Variants in NRXN3 observed in about 807,000 individuals in gnomAD.
The protein encoded by NRXN3 is neurexin 3.
A neutral mutation model predicts 137.6 loss-of-function variants in NRXN3; 32 were observed. The observed-to-expected ratio is 0.23, with a 90% CI of 0.18 to 0.31. The LOEUF is 0.31. Among genes scored for constraint, NRXN3 ranks in the 10% least tolerant of loss-of-function variants. The probability of loss-of-function intolerance (pLI) is 1.00; values close to 1 mark genes in which losing one functional copy is unlikely to be tolerated. For synonymous variants in NRXN3, 798 were observed against 784.5 expected, an observed-to-expected ratio of 1.02 and a Z score of -0.29; for missense variants, 1,574 against 2,062.5, an observed-to-expected ratio of 0.76 and a Z score of 4.59.
intron 4 of NRXN3, among the ~76,000 whole-genome samples, chr14:78,638,056 G>A (rs1601718090): frequency 1.3e-5 from 2 of 152,216 alleles, no homozygotes; most frequent in African/African-American, 2.4e-5. Flanking sequence ...TGTGGACGGA[G>A]GCAGCTTCCC....
intron 10 of NRXN3, among the ~76,000 whole-genome samples, chr14:78,926,082 C>T (rs928777820): frequency 6.6e-6 from 1 of 152,104 alleles, no homozygotes; most frequent in African/African-American, 2.4e-5. Context: ...AAATTGGAAC[C>T]TACCTCTTTT....
intron 4 of NRXN3, among the ~76,000 whole-genome samples, chr14:78,376,001 G>GATAC (rs1171967756): frequency 8.9e-6 from 1 of 112,436 alleles, no homozygotes; most frequent in Non-Finnish European, 1.9e-5. Flanking sequence ...CTTCCTCCTT[G>GATAC]ATACACACAC....
At chr14:78,874,303 G>C (rs2099108532) in intron 10 of NRXN3, among the ~76,000 whole-genome samples, 1 of 152,094 alleles carries the variant, frequency 6.6e-6, no homozygotes, top group South Asian at 2.1e-4. Flanking sequence ...TTGATCATAA[G>C]AACCTTGAAG....
At position 78,767,566 on chromosome 14, in the gene NRXN3, G is replaced by T. The variant is rs534264288; in HGVS notation, c.2045-36054G>T. Among the ~76,000 whole-genome samples, 27 of 152,310 alleles carry T rather than the reference G, an allele frequency of 1.8e-4. No individual in the cohort carries two copies. In the South Asian group the frequency reaches 5.4e-3, roughly 30 times the overall value. The stretch of plus-strand genomic sequence containing the variant: ...GCAGAGCGCCCTCTTGTCTGTGTGG[G>T]TTACTAATTGTTACAGTGAAATTAG... On this transcript the variant is annotated intron_variant, in intron 8 of 20. Coordinates refer to ENST00000335750, the MANE Select transcript of NRXN3 (RefSeq NM_001330195.2).
intron 14 of NRXN3, among the ~76,000 whole-genome samples, chr14:78,986,591 T>C (rs939957972): frequency 6.6e-6 from 1 of 152,208 alleles, no homozygotes; most frequent in Non-Finnish European, 1.5e-5. Flanking sequence ...ATTATTCTTA[T>C]ATATTAACAT....
chr14:78,977,298 CA>C (rs1361571673), intron 14 of NRXN3, among the ~76,000 whole-genome samples: 1 of 152,160 alleles, frequency 6.6e-6, no homozygotes, highest in African/African-American at 2.4e-5. Flanking sequence ...TTCATATCAA[CA>C]CCATTTCGAA....
At chr14:79,608,644 G>T (rs73327923) in intron 16 of NRXN3, among the ~76,000 whole-genome samples, 6,157 of 152,264 alleles carry the variant, frequency 0.04, 402 homozygotes, top group African/African-American at 0.14. Context: ...GCCTGGCAAT[G>T]GCTGTGGTCC....
At chr14:78,630,597 C>CTTT (rs370862037) in intron 4 of NRXN3, among the ~76,000 whole-genome samples, 1,495 of 127,774 alleles carry the variant, frequency 0.012, 9 homozygotes, top group South Asian at 0.028. Context: ...TTCTTTCTTT[C>CTTT]TTTTTTTTTT....
chr14:79,116,322 G>A (rs1424735518), intron 15 of NRXN3, among the ~76,000 whole-genome samples: 1 of 152,188 alleles, frequency 6.6e-6, no homozygotes, highest in African/African-American at 2.4e-5. Context: ...CTTTGTGGGA[G>A]TTCATTACAG....
At chr14:79,293,015 G>C (rs1195043671) in intron 15 of NRXN3, among the ~76,000 whole-genome samples, 1 of 152,144 alleles carries the variant, frequency 6.6e-6, no homozygotes, top group Non-Finnish European at 1.5e-5. Context: ...GGTAAACCTA[G>C]AGTCTTGGCC....
intron 4 of NRXN3, among the ~76,000 whole-genome samples, chr14:78,522,197 A>G (rs2096293434): frequency 6.6e-6 from 1 of 152,196 alleles, no homozygotes; most frequent in Non-Finnish European, 1.5e-5. Flanking sequence ...ATGCTTTTTT[A>G]CATATACTTT....
At chr14:78,636,398 T>A (rs2097567149) in intron 4 of NRXN3, among the ~76,000 whole-genome samples, 1 of 151,656 alleles carries the variant, frequency 6.6e-6, no homozygotes, top group African/African-American at 2.4e-5. Flanking sequence ...AGAAATAGAG[T>A]AAAAGGCAGG....
chr14:79,434,601 A>C (rs2095814535), intron 15 of NRXN3, among the ~76,000 whole-genome samples: 1 of 152,238 alleles, frequency 6.6e-6, no homozygotes, highest in Admixed American at 6.5e-5. Flanking sequence ...ACACTATGCA[A>C]ATGAATCGCA....
intron 4 of NRXN3, among the ~76,000 whole-genome samples, chr14:78,457,314 G>A (rs1375781138): frequency 6.6e-6 from 1 of 152,148 alleles, no homozygotes; most frequent in Non-Finnish European, 1.5e-5. Flanking sequence ...TTATAGGCAT[G>A]AGCCACCACG....
At chr14:79,125,476 GAAC>G (rs1245719013) in intron 15 of NRXN3, among the ~76,000 whole-genome samples, 1 of 152,082 alleles carries the variant, frequency 6.6e-6, no homozygotes, top group African/African-American at 2.4e-5. Flanking sequence ...TGTCTTTATT[GAAC>G]AACAACTTTT....
chr14:78,360,016 T>C (rs1023449164), intron 4 of NRXN3, among the ~76,000 whole-genome samples: 4 of 152,206 alleles, frequency 2.6e-5, no homozygotes, highest in African/African-American at 7.2e-5. Context: ...CCTTCACCAA[T>C]AAAGTTTTAG....
chr14:78,812,540 G>C (rs368212856), intron 10 of NRXN3, among the ~76,000 whole-genome samples: 1 of 152,264 alleles, frequency 6.6e-6, no homozygotes, highest in East Asian at 1.9e-4. Context: ...TTCTCATGAA[G>C]TCAATCCCAT....
intron 15 of NRXN3, among the ~76,000 whole-genome samples, chr14:79,153,541 G>A (rs1173451770): frequency 2.0e-5 from 3 of 151,796 alleles, no homozygotes; most frequent in Non-Finnish European, 4.4e-5. Context: ...CTTGTCCTGG[G>A]CCCTTTAAAC....
chr14:79,728,262 A>G (rs563274576), intron 19 of NRXN3, among the ~76,000 whole-genome samples: 1 of 152,308 alleles, frequency 6.6e-6, no homozygotes, highest in African/African-American at 2.4e-5. Context: ...TTGATAGCCT[A>G]TAGAGCCCCC....
Sources: gnomAD v4.1 joint callset for allele counts (sites outside exome capture counted in the v4.1 genomes callset) on GRCh38, gnomAD v4.1.1 for gene constraint, MANE v1.5 for transcripts, NCBI Gene and HGNC (gene_info 2026-07-23, HGNC 2026-07-21) for gene names.